Variants in ILRUN observed in about 807,000 individuals in gnomAD.
The protein encoded by ILRUN is inflammation and lipid regulator with UBA-like and NBR1-like domains.
A neutral mutation model predicts 33.8 loss-of-function variants in ILRUN; 3 were observed. That is an observed-to-expected ratio of 0.09 (90% CI 0.04 to 0.23). ILRUN has a LOEUF of 0.23. ILRUN is among the 10% of genes least tolerant of loss of function. The probability of loss-of-function intolerance (pLI) is 1.00; values close to 1 mark genes in which losing one functional copy is unlikely to be tolerated. For synonymous variants in ILRUN, 124 were observed against 138.9 expected, an observed-to-expected ratio of 0.89 and a Z score of 0.75; for missense variants, 210 against 375.1, an observed-to-expected ratio of 0.56 and a Z score of 3.64.
rs1446687464 is a variant in ILRUN, at chr6:34,587,777, A to G, written c.*2788T>C. ...CTGTCCTCACGGCAAAAAGAAAAAA[A>G]GCATGCACACGTGCACATCCATCCA... is the stretch of plus-strand genomic sequence containing the variant. On this transcript the variant is annotated 3_prime_UTR_variant, in exon 5 of 5. Coordinates refer to ENST00000374023, the MANE Select transcript of ILRUN (RefSeq NM_024294.4). 2 of 323,062 alleles carry G rather than the reference A, an allele frequency of 6.2e-6. No individual in the cohort carries two copies. The highest frequency in any genetic ancestry group is 5.6e-6 in the Non-Finnish European group (1 of 177,614). The allele number at this position is 323,062 out of a possible 1,614,324, so 20.0% of individuals were successfully genotyped here.
At chr6:34,692,371 A>C (rs769254163) in intron 1 of ILRUN, among the ~76,000 whole-genome samples, 12 of 152,246 alleles carry the variant, frequency 7.9e-5, no homozygotes, top group Non-Finnish European at 1.0e-4. Context: ...AACCCGAAGC[A>C]GGCACTTATG....
At chr6:34,650,401 ATT>A (rs1430882628) in intron 2 of ILRUN, among the ~76,000 whole-genome samples, 1 of 139,276 alleles carries the variant, frequency 7.2e-6, no homozygotes, top group African/African-American at 2.7e-5. Flanking sequence ...AATTTTATTT[ATT>A]TATTTTTATT....
chr6:34,605,230 C>T (rs567700173), intron 4 of ILRUN, among the ~76,000 whole-genome samples: 4 of 148,928 alleles, frequency 2.7e-5, no homozygotes, highest in African/African-American at 4.9e-5. Flanking sequence ...CACTTGAACC[C>T]GGGAGGCAGA....
chr6:34,695,199 A>C (rs1219246250), intron 1 of ILRUN, among the ~76,000 whole-genome samples: 2 of 152,168 alleles, frequency 1.3e-5, no homozygotes, highest in African/African-American at 4.8e-5. Flanking sequence ...GCGTTGCTTG[A>C]GGCATTCAGT....
intron 4 of ILRUN, among the ~76,000 whole-genome samples, chr6:34,591,408 T>A (rs1761290005): frequency 6.6e-6 from 1 of 152,042 alleles, no homozygotes; most frequent in South Asian, 2.1e-4. Context: ...AGTGGGACGA[T>A]CACTTGAACC....
intron 3 of ILRUN, among the ~76,000 whole-genome samples, chr6:34,619,805 T>C (rs566865379): frequency 1.3e-5 from 2 of 152,058 alleles, no homozygotes; most frequent in East Asian, 3.9e-4. Flanking sequence ...GCCAACATGG[T>C]GAAACCCCGT....
chr6:34,633,631 C>G (rs895822573), intron 3 of ILRUN, among the ~76,000 whole-genome samples: 5 of 149,308 alleles, frequency 3.3e-5, no homozygotes, highest in African/African-American at 4.9e-5. Flanking sequence ...TGGGAGGACT[C>G]CTTGAAGCCA....
intron 3 of ILRUN, among the ~76,000 whole-genome samples, chr6:34,618,736 T>A (rs1172386424): frequency 1.3e-5 from 2 of 152,190 alleles, no homozygotes; most frequent in Non-Finnish European, 2.9e-5. Context: ...AGAGACCCCA[T>A]CACCCTTTTC....
intron 1 of ILRUN, among the ~76,000 whole-genome samples, chr6:34,660,075 G>A (rs1203087664): frequency 2.6e-5 from 4 of 151,754 alleles, no homozygotes; most frequent in Non-Finnish European, 5.9e-5. Context: ...GCAGAGGCAG[G>A]TGGATCACTT....
chr6:34,675,462 T>C (rs1003600672), intron 1 of ILRUN, among the ~76,000 whole-genome samples: 11 of 152,068 alleles, frequency 7.2e-5, no homozygotes, highest in African/African-American at 2.7e-4. Context: ...TGAAAAAAAT[T>C]CAGCTATATA....
chr6:34,683,489 T>TATATAC (rs1763442305), intron 1 of ILRUN, among the ~76,000 whole-genome samples: 2 of 91,242 alleles, frequency 2.2e-5, no homozygotes, highest in African/African-American at 1.1e-4. Flanking sequence ...TATATATACA[T>TATATAC]ATATATATAC....
intron 1 of ILRUN, among the ~76,000 whole-genome samples, chr6:34,683,455 T>TATATATAC (rs1562032988): frequency 8.8e-6 from 1 of 113,052 alleles, no homozygotes; most frequent in Non-Finnish European, 1.7e-5. Flanking sequence ...TATATATACA[T>TATATATAC]ATATATACAT....
At chr6:34,622,680 A>G (rs1031713743) in intron 3 of ILRUN, among the ~76,000 whole-genome samples, 3 of 152,218 alleles carry the variant, frequency 2.0e-5, no homozygotes, top group Non-Finnish European at 2.9e-5. Flanking sequence ...GCTGCTTTGT[A>G]AAACAATACG....
intron 4 of ILRUN, among the ~76,000 whole-genome samples, chr6:34,601,013 A>G (rs1761496190): frequency 6.6e-6 from 1 of 152,192 alleles, no homozygotes; most frequent in Non-Finnish European, 1.5e-5. Flanking sequence ...TAAAGGAGTG[A>G]TAATAACAAT....
rs60744554 is a variant in ILRUN, at chr6:34,695,050, C to CAAA, written c.158+1393_158+1395dup. On this transcript the variant is annotated intron_variant, in intron 1 of 4. Coordinates refer to ENST00000374023, the MANE Select transcript of ILRUN (RefSeq NM_024294.4). ...TGAGCGACAGAGCGAGACTCCGTCT[C>CAAA]AAAAAAAAAAAAAAAAAAAAATTTA... is the stretch of plus-strand genomic sequence containing the variant. Among the ~76,000 whole-genome samples, 237 of 110,524 alleles carry CAAA rather than the reference C, an allele frequency of 2.1e-3. 2 individuals carry two copies. The highest frequency in any genetic ancestry group is 0.016 in the East Asian group (60 of 3,796). The allele number at this position is 110,524 out of a possible 152,430, so 72.5% of individuals were successfully genotyped here. A position where few individuals can be genotyped will look rare whatever the true frequency, so the allele number is the denominator to read the frequency against.
At chr6:34,626,942 T>C (rs1762148094) in intron 3 of ILRUN, among the ~76,000 whole-genome samples, 1 of 151,898 alleles carries the variant, frequency 6.6e-6, no homozygotes, top group South Asian at 2.1e-4. Flanking sequence ...GAGGCAGAGG[T>C]TGCAGTGAGC....
At chr6:34,624,721 C>G (rs776931884) in intron 3 of ILRUN, among the ~76,000 whole-genome samples, 1 of 152,180 alleles carries the variant, frequency 6.6e-6, no homozygotes, top group African/African-American at 2.4e-5. Context: ...TTAACTTCTA[C>G]AGAGCTAATG....
intron 1 of ILRUN, among the ~76,000 whole-genome samples, chr6:34,680,405 T>C (rs1379106818): frequency 6.6e-6 from 1 of 151,574 alleles, no homozygotes; most frequent in African/African-American, 2.4e-5. Flanking sequence ...CTTATTTTTT[T>C]GTTTATTTGT....
At chr6:34,606,504 A>C (rs751143477) in intron 4 of ILRUN, 51 bp downstream of exon 4, 3 of 1,478,398 alleles carry the variant, frequency 2.0e-6, no homozygotes, top group South Asian at 2.4e-5. Flanking sequence ...AAGGGGTATC[A>C]CAAGTCCCAA....
Sources: gnomAD v4.1 joint callset for allele counts (sites outside exome capture counted in the v4.1 genomes callset) on GRCh38, gnomAD v4.1.1 for gene constraint, MANE v1.5 for transcripts, NCBI Gene and HGNC (gene_info 2026-07-23, HGNC 2026-07-21) for gene names.